The following CDH3 variants were observed in gnomAD, a reference collection of about 807,000 sequenced individuals.
CDH3 encodes cadherin-3.
A neutral mutation model predicts 82.0 loss-of-function variants in CDH3; 54 were observed. That is an observed-to-expected ratio of 0.66 (90% CI 0.53 to 0.83). The LOEUF is 0.83. Ranked by LOEUF, CDH3 falls within the 40% of genes least tolerant of loss-of-function variation. The pLI is 0.00. For synonymous variants in CDH3, 446 were observed against 437.9 expected, an observed-to-expected ratio of 1.02 and a Z score of -0.23; for missense variants, 1,054 against 1,084.6, an observed-to-expected ratio of 0.97 and a Z score of 0.40.
At chr16:68,686,756 A>G in intron 11 of CDH3, 1 of 653,202 alleles carries the variant, frequency 1.5e-6, no homozygotes, top group East Asian at 2.6e-5. Flanking sequence ...ACCTTTCATC[A>G]TGTAAATAAT....
chr16:68,706,292 G>A (rs540853800), intron 1 of CDH3, among the ~76,000 whole-genome samples: 1 of 151,736 alleles, frequency 6.6e-6, no homozygotes, highest in Admixed American at 6.6e-5. Context: ...CCTCCGTGGG[G>A]AGGGTGAGTC....
intron 2 of CDH3, among the ~76,000 whole-genome samples, chr16:68,658,100 A>G (rs1265778273): frequency 2.4e-5 from 3 of 126,328 alleles, no homozygotes; most frequent in Admixed American, 9.1e-5. Context: ...GGGTCTCACT[A>G]TGTTGCCCAG....
At chr16:68,649,854 C>T (rs879764486) in intron 2 of CDH3, among the ~76,000 whole-genome samples, 3 of 151,954 alleles carry the variant, frequency 2.0e-5, no homozygotes, top group Non-Finnish European at 4.4e-5. Context: ...GCCAACATGG[C>T]GAAATCCCGT....
intron 2 of CDH3, among the ~76,000 whole-genome samples, chr16:68,655,675 C>T (rs1379086754): frequency 6.8e-6 from 1 of 147,130 alleles, no homozygotes; most frequent in African/African-American, 2.5e-5. Context: ...GAAACCCCGT[C>T]TCTGCTAACA....
chr16:68,650,597 G>A (rs9927758), intron 2 of CDH3, among the ~76,000 whole-genome samples: 39,186 of 152,126 alleles, frequency 0.26, 5,877 homozygotes, highest in African/African-American at 0.4. Context: ...CACCACGCCC[G>A]GCCATATTTT....
chr16:68,680,921 C>T (rs761310067), intron 7 of CDH3, 47 bp from the exon 8 acceptor site: 314 of 1,611,672 alleles, frequency 1.9e-4, no homozygotes, highest in Non-Finnish European at 2.5e-4. Flanking sequence ...GGGGAGGGAC[C>T]CTTCAGATTA....
chr16:68,727,912 AAAC>A (rs1263277434), downstream of CDH3, among the ~76,000 whole-genome samples: 1 of 152,092 alleles, frequency 6.6e-6, no homozygotes, highest in South Asian at 2.1e-4. Context: ...CCATCTCCAA[AAAC>A]AACAACAACA....
intron 2 of CDH3, among the ~76,000 whole-genome samples, chr16:68,669,598 T>C (rs1301822355): frequency 6.8e-6 from 1 of 147,762 alleles, no homozygotes; most frequent in Non-Finnish European, 1.5e-5. Context: ...AGAGGATTTC[T>C]AGCTCCTGGT....
At chr16:68,697,853 A>G (rs999329658) in intron 15 of CDH3, among the ~76,000 whole-genome samples, 2 of 152,166 alleles carry the variant, frequency 1.3e-5, no homozygotes, top group Non-Finnish European at 2.9e-5. Context: ...CCTTTAAAAA[A>G]GGAAGAAAAA....
chr16:68,712,037 C>CTTTTTTTTTTTTTTTTTTTTTTT (rs58452743), intron 1 of CDH3, among the ~76,000 whole-genome samples: 1 of 119,414 alleles, frequency 8.4e-6, no homozygotes, highest in Non-Finnish European at 1.7e-5. Flanking sequence ...TTTTTGTTTT[C>CTTTTTTTTTTTTTTTTTTTTTTT]TTTTTTTTTT....
At chr16:68,725,396 C>T (rs1322507475) in intron 2 of CDH3, among the ~76,000 whole-genome samples, 1 of 151,888 alleles carries the variant, frequency 6.6e-6, no homozygotes, top group African/African-American at 2.4e-5. Flanking sequence ...TGCAGTGGCC[C>T]GATCTCGGCT....
chr16:68,700,302 A>C (rs938434443), downstream of CDH3: 3 of 152,224 alleles, frequency 2.0e-5, no homozygotes, highest in African/African-American at 7.2e-5. Context: ...AGGATGACTA[A>C]TTCTGTAAAG....
chr16:68,655,516 G>A (rs7196626), intron 2 of CDH3, among the ~76,000 whole-genome samples: 123,295 of 152,192 alleles, frequency 0.81, 50,416 homozygotes, highest in African/African-American at 0.93. Context: ...TAGTATAGAG[G>A]GACAGACAAA....
rs768998416 is a variant in CDH3, at chr16:68,679,786, C to T, written c.692-13C>T. The T allele has an allele frequency of 6.3e-7, 1 of 1,593,178 alleles. No homozygotes were observed. The highest frequency in any genetic ancestry group is 8.6e-7 in the Non-Finnish European group (1 of 1,162,334). Reference sequence around the variant, plus strand: ...GGAACTGGGAGGAAAAGATACTCATCCCTTCTCTCCAGGTACTTCTGTGAT... The same window carrying T: ...GGAACTGGGAGGAAAAGATACTCATTCCTTCTCTCCAGGTACTTCTGTGAT... On this transcript the variant is annotated splice_polypyrimidine_tract_variant and intron_variant, in intron 6 of 15. Transcript: ENST00000264012.
chr16:68,717,329 A>T (rs1337008626), intron 1 of CDH3, among the ~76,000 whole-genome samples: 2 of 152,326 alleles, frequency 1.3e-5, no homozygotes, highest in East Asian at 1.9e-4. Flanking sequence ...GCTAACAAGG[A>T]TGTGGAGCAA....
At chr16:68,655,983 GGAA>G (rs1450408593) in intron 2 of CDH3, among the ~76,000 whole-genome samples, 1 of 152,212 alleles carries the variant, frequency 6.6e-6, no homozygotes, top group Non-Finnish European at 1.5e-5. Context: ...TGGCAGCCAA[GGAA>G]GAAGAATTAG....
At position 68,654,713 on chromosome 16, in the gene CDH3, A is replaced by AAT. The variant is rs1555504519; in HGVS notation, c.160+8984_160+8985dup. On this transcript the variant is annotated intron_variant, in intron 2 of 15. Coordinates refer to ENST00000264012, the MANE Select transcript of CDH3 (RefSeq NM_001793.6). Reference sequence around the variant, plus strand: ...GCAAGACTCTGTCTCAAAAAAAAAAAATATATATATATATATATATATTTA... The same window carrying AAT: ...GCAAGACTCTGTCTCAAAAAAAAAAAATATATATATATATATATATATATTTA... Among the ~76,000 whole-genome samples the AAT allele has an allele frequency of 2.5e-3, 225 of 91,072 alleles. 2 individuals are homozygous for AAT. The highest frequency in any genetic ancestry group is 5.0e-3 in the African/African-American group (115 of 23,138). The allele number at this position is 91,072 out of a possible 152,430, so 59.7% of individuals were successfully genotyped here. A position where few individuals can be genotyped will look rare whatever the true frequency, so the allele number is the denominator to read the frequency against.
rs1266509511 is a variant in CDH3, at chr16:68,695,815, C to G, written c.2172C>G (p.Ala724=). Residue 724 remains alanine, a synonymous_variant, in exon 15 of 16, where the codon GCC becomes GCG. Coordinates refer to ENST00000264012, the MANE Select transcript of CDH3 (RefSeq NM_001793.6). ...DITQLHRGLE[A]RPEVVLRNDV... is the part of the protein sequence containing the mutation. ...CCCAGCTCCACCGAGGTCTGGAGGC[C>G]AGGCCGGAGGTGGTTCTCCGCAATG... 2 of 1,614,052 alleles carry G rather than the reference C, an allele frequency of 1.2e-6. No individual in the cohort carries two copies. Among genetic ancestry groups the G allele is most frequent in the African/African-American group, 2.7e-5 (2 of 74,912 alleles).
At chr16:68,685,515 C>G (rs1481645380) in intron 11 of CDH3, among the ~76,000 whole-genome samples, 165 bp downstream of exon 11, 1 of 152,214 alleles carries the variant, frequency 6.6e-6, no homozygotes, top group East Asian at 1.9e-4. Flanking sequence ...CTTTTAAAGA[C>G]TGGTCCTAGG....
Sources: gnomAD v4.1 joint callset for allele counts (sites outside exome capture counted in the v4.1 genomes callset) on GRCh38, gnomAD v4.1.1 for gene constraint, MANE v1.5 for transcripts, NCBI Gene and HGNC (gene_info 2026-07-23, HGNC 2026-07-21) for gene names.